The following FABP6 variants were observed in gnomAD, a reference collection of about 807,000 sequenced individuals.
The protein encoded by FABP6 is fatty acid binding protein 6, also known as gastrotropin.
A neutral mutation model predicts 14.9 loss-of-function variants in FABP6; 13 were observed. That is an observed-to-expected ratio of 0.87 (90% CI 0.57 to 1.39). The LOEUF is 1.39. Ranked by LOEUF, FABP6 falls within the 40% of genes most tolerant of loss-of-function variation. The probability of loss-of-function intolerance (pLI) is 0.00; values close to 1 mark genes in which losing one functional copy is unlikely to be tolerated. For synonymous variants in FABP6, 75 were observed against 63.6 expected, an observed-to-expected ratio of 1.18 and a Z score of -0.85; for missense variants, 161 against 167.2, an observed-to-expected ratio of 0.96 and a Z score of 0.20.
At chr5:160,210,624 T>A (rs990853248) in intron 2 of FABP6, among the ~76,000 whole-genome samples, 1 of 152,210 alleles carries the variant, frequency 6.6e-6, no homozygotes, top group African/African-American at 2.4e-5. Flanking sequence ...CTGCACAGCC[T>A]GCTCACCTTT....
intron 3 of FABP6, among the ~76,000 whole-genome samples, chr5:160,217,764 C>T (rs1028625027): frequency 6.6e-6 from 1 of 152,096 alleles, no homozygotes; most frequent in South Asian, 2.1e-4. Context: ...AGTCTCCTGA[C>T]TAGCTGGGAC....
chr5:160,204,589 A>C (rs1233849120), intron 2 of FABP6: 1 of 152,140 alleles, frequency 6.6e-6, no homozygotes, highest in African/African-American at 2.4e-5. Context: ...TCCCGGGTTC[A>C]AGCAATTCTC....
intron 2 of FABP6, among the ~76,000 whole-genome samples, chr5:160,233,199 C>A (rs1760430604): frequency 6.6e-6 from 1 of 151,894 alleles, no homozygotes; most frequent in Non-Finnish European, 1.5e-5. Flanking sequence ...CCAGGCTGGT[C>A]TCAAACTCCT....
intron 1 of FABP6, chr5:160,198,387 C>G (rs1395469939): frequency 1.3e-5 from 2 of 152,456 alleles, no homozygotes; most frequent in Non-Finnish European, 2.9e-5. Context: ...TCCTCCCACT[C>G]GCCCCATCAG....
chr5:160,213,901 G>A (rs1759950672), intron 3 of FABP6: 1 of 1,136,468 alleles, frequency 8.8e-7, no homozygotes, highest in Non-Finnish European at 1.3e-6. Flanking sequence ...TAGACTTTGT[G>A]TCCTATCCCT....
chr5:160,213,750 G>A, exon 3 of FABP6: 1 of 1,613,932 alleles, frequency 6.2e-7, no homozygotes, highest in Non-Finnish European at 8.5e-7. Context: ...TGAGAGCTGT[G>A]TTGTCTGCGT....
intron 2 of FABP6, among the ~76,000 whole-genome samples, chr5:160,200,576 C>T (rs1250314596): frequency 6.6e-6 from 1 of 152,122 alleles, no homozygotes; most frequent in Non-Finnish European, 1.5e-5. Flanking sequence ...TCATGCCTGG[C>T]TAATTTTTTG....
chr5:160,227,784 A>G (rs916199085), upstream of FABP6, among the ~76,000 whole-genome samples: 2 of 151,150 alleles, frequency 1.3e-5, no homozygotes, highest in Non-Finnish European at 2.9e-5. Context: ...GAATTATTTG[A>G]AATTTTTATA....
intron 2 of FABP6, among the ~76,000 whole-genome samples, chr5:160,201,656 T>C (rs562059867): frequency 6.6e-6 from 1 of 152,082 alleles, no homozygotes; most frequent in South Asian, 2.1e-4. Flanking sequence ...TTCTCACCCT[T>C]CTTCTTTCTT....
At chr5:160,210,516 G>A (rs879659582) in intron 2 of FABP6, among the ~76,000 whole-genome samples, 2 of 152,104 alleles carry the variant, frequency 1.3e-5, no homozygotes, top group Admixed American at 1.3e-4. Flanking sequence ...GCCACCTTTG[G>A]TTGGCCCTTA....
At chr5:160,229,819 CTTTTTTATTT>C (rs1324515183) in intron 1 of FABP6, among the ~76,000 whole-genome samples, 195 bp downstream of exon 1, 10 of 148,550 alleles carry the variant, frequency 6.7e-5, no homozygotes, top group Non-Finnish European at 7.4e-5. Context: ...CACTCTTTAA[CTTTTTTATTT>C]TATTTTATTT....
chr5:160,188,303 C>A (rs2113043896), intron 1 of FABP6, among the ~76,000 whole-genome samples: 1 of 152,224 alleles, frequency 6.6e-6, no homozygotes, highest in African/African-American at 2.4e-5. Context: ...AATGCTGCTT[C>A]AGAGCTCTAG....
intron 3 of FABP6, among the ~76,000 whole-genome samples, chr5:160,218,253 C>T (rs1194021397): frequency 6.6e-6 from 1 of 151,992 alleles, no homozygotes; most frequent in Non-Finnish European, 1.5e-5. Flanking sequence ...AGTAACATCC[C>T]CTTCAGATAG....
chr5:160,187,898 A>G lies in FABP6; in HGVS notation c.-59+444A>G, dbSNP rs112730841. ...CTCCCAAGTAGCTGGGATTACAGGCATGCACCACCATGCCAGGTTAATTTT... is the reference window on the plus strand; with the variant it reads ...CTCCCAAGTAGCTGGGATTACAGGCGTGCACCACCATGCCAGGTTAATTTT... On this transcript the variant is annotated intron_variant, in intron 1 of 6. Coordinates refer to the FABP6 transcript ENST00000393980. Among the ~76,000 whole-genome samples the G allele has an allele frequency of 9.0e-3, 1,374 of 152,108 alleles. 19 individuals are homozygous for G. Among genetic ancestry groups the G allele is most frequent in the African/African-American group, 0.031 (1,294 of 41,490 alleles).
chr5:160,196,289 G>A (rs2080951), intron 1 of FABP6, among the ~76,000 whole-genome samples: 138,793 of 152,314 alleles, frequency 0.91, 63,371 homozygotes, highest in African/African-American at 0.94. Context: ...GCCTTCCCCA[G>A]GAGGGTTGAG....
chr5:160,233,947 G>C (rs146429623), intron 2 of FABP6, among the ~76,000 whole-genome samples: 1 of 152,156 alleles, frequency 6.6e-6, no homozygotes, highest in East Asian at 1.9e-4. Context: ...GGGCCTTGCA[G>C]CTAGAACATG....
At chr5:160,213,707 C>A (rs1209639206) in intron 2 of FABP6, 3 of 1,601,064 alleles carry the variant, frequency 1.9e-6, no homozygotes. Context: ...TCAGGATAGG[C>A]CAATCAGATT....
At chr5:160,199,525 G>A (rs1458388117) in intron 2 of FABP6, among the ~76,000 whole-genome samples, 1 of 152,096 alleles carries the variant, frequency 6.6e-6, no homozygotes. Flanking sequence ...CAGAGGGCGC[G>A]CCAGGTCGCG....
At chr5:160,231,577 G>A (rs1356021445) in intron 1 of FABP6, among the ~76,000 whole-genome samples, 3 of 152,078 alleles carry the variant, frequency 2.0e-5, no homozygotes, top group Admixed American at 2.0e-4. Context: ...TGTATTTTTA[G>A]TAGAGACAGG....
Sources: allele counts gnomAD v4.1 joint callset (sites outside exome capture counted in the v4.1 genomes callset), GRCh38; gene constraint gnomAD v4.1.1; transcripts MANE v1.5; gene names NCBI Gene and HGNC (gene_info 2026-07-23, HGNC 2026-07-21).